ENDOD1: variants seen among roughly 807,000 people sequenced by gnomAD.
The protein encoded by ENDOD1 is endonuclease domain-containing 1 protein.
A neutral mutation model predicts 6.5 loss-of-function variants in ENDOD1; 9 were observed. The observed-to-expected ratio is 1.39, with a 90% CI of 0.84 to 2.43. ENDOD1 has a LOEUF of 2.43. Ranked by LOEUF, ENDOD1 falls within the 30% of genes most tolerant of loss-of-function variation. ENDOD1 has a pLI of 0.00. For synonymous variants in ENDOD1, 255 were observed against 255.2 expected (o/e 1.00, Z 0.01); for missense variants, 648 against 635.5 (o/e 1.02, Z -0.21).
intron 1 of ENDOD1, among the ~76,000 whole-genome samples, chr11:95,108,534 C>CACACACAAAAAAAAA (rs1176686943): frequency 1.2e-4 from 17 of 141,754 alleles, no homozygotes; most frequent in African/African-American, 4.0e-4. Flanking sequence ...CACAGACACC[C>CACACACAAAAAAAAA]AAAAAAAGAA....
chr11:95,112,757 G>C (rs1185570733), intron 1 of ENDOD1, among the ~76,000 whole-genome samples: 2 of 152,168 alleles, frequency 1.3e-5, no homozygotes, highest in Non-Finnish European at 2.9e-5. Flanking sequence ...TCCTTCCTCT[G>C]AAATTCCGTT....
intron 1 of ENDOD1, among the ~76,000 whole-genome samples, chr11:95,118,249 A>G (rs1859229804): frequency 6.6e-6 from 1 of 152,214 alleles, no homozygotes; most frequent in Non-Finnish European, 1.5e-5. Context: ...TACTATTACC[A>G]GTGAGTTTTG....
intron 1 of ENDOD1, among the ~76,000 whole-genome samples, chr11:95,094,746 A>G (rs1340734122): frequency 1.3e-5 from 2 of 152,250 alleles, no homozygotes; most frequent in Non-Finnish European, 2.9e-5. Flanking sequence ...TATATAGAGC[A>G]TCATACACTT....
At position 95,113,320 on chromosome 11, in the gene ENDOD1, A is replaced by G. The variant is rs1555112141; in HGVS notation, c.301-15057A>G. The stretch of plus-strand genomic sequence containing the variant: ...CTATATTCACCCTATTGTGCTATCA[A>G]ATACTGGGTCTTATTTATTATTCTT... On this transcript the variant is annotated intron_variant, in intron 1 of 1. Transcript: ENST00000278505. 1.3e-5 allele frequency among the ~76,000 whole-genome samples: 2 copies of G among 152,106 alleles called. 1 individual carries two copies. Among genetic ancestry groups the G allele is most frequent in the Non-Finnish European group, 2.9e-5 (2 of 68,024 alleles).
rs190081109 is a variant in ENDOD1 at position 95,108,340 on chromosome 11, G to T, written c.300+18113G>T. On this transcript the variant is annotated intron_variant, in intron 1 of 1. Transcript: ENST00000278505. Reference sequence around the variant, plus strand: ...GTGTGCACAGCACAGGCCAGAGCTGGAAATGCGTCCTTCTTCCCACAGCCA... The same window carrying T: ...GTGTGCACAGCACAGGCCAGAGCTGTAAATGCGTCCTTCTTCCCACAGCCA... Among the ~76,000 whole-genome samples, 5 of 152,268 alleles carry T rather than the reference G, an allele frequency of 3.3e-5. No homozygotes were observed. The East Asian group carries it at 9.7e-4, about 29-fold the overall frequency.
rs964420438 is a variant in ENDOD1, at chr11:95,131,503, G to C, written c.*1924G>C. ...AGCTGAGAGCAGATTAGGAGCCAAC[G>C]TTGTTTGCACATGTCCCATCACACC... On this transcript the variant is annotated 3_prime_UTR_variant, in exon 2 of 2. Coordinates refer to ENST00000278505, the MANE Select transcript of ENDOD1 (RefSeq NM_015036.3). The C allele has an allele frequency of 6.6e-6, 1 of 152,200 alleles. No individual in the cohort carries two copies. 9.4% of individuals were successfully genotyped at this position (152,200 alleles called of 1,614,324 possible). A position where few individuals can be genotyped will look rare whatever the true frequency, so the allele number is the denominator to read the frequency against.
intron 1 of ENDOD1, among the ~76,000 whole-genome samples, chr11:95,116,235 G>T (rs1859207748): frequency 6.6e-6 from 1 of 152,080 alleles, no homozygotes; most frequent in Admixed American, 6.6e-5. Flanking sequence ...TATATGCCTA[G>T]GAATTTGTCC....
chr11:95,122,914 C>T (rs1464588720), intron 1 of ENDOD1, among the ~76,000 whole-genome samples: 6 of 152,046 alleles, frequency 3.9e-5, no homozygotes, highest in Admixed American at 1.3e-4. Flanking sequence ...AGGGGCCGGG[C>T]GCCATGGCTC....
intron 1 of ENDOD1, among the ~76,000 whole-genome samples, chr11:95,125,255 A>C (rs676761): frequency 6.6e-6 from 1 of 151,892 alleles, no homozygotes; most frequent in Non-Finnish European, 1.5e-5. Context: ...TGCATACAAA[A>C]TGCTCCAGTA....
At chr11:95,113,865 G>T (rs141901932) in intron 1 of ENDOD1, among the ~76,000 whole-genome samples, 71 of 152,216 alleles carry the variant, frequency 4.7e-4, no homozygotes, top group African/African-American at 1.6e-3. Context: ...CATAGTGGTT[G>T]TACTAATTTA....
At chr11:95,092,337 A>AGG (rs1555109945) in intron 1 of ENDOD1, among the ~76,000 whole-genome samples, 1 of 152,160 alleles carries the variant, frequency 6.6e-6, no homozygotes, top group African/African-American at 2.4e-5. Flanking sequence ...AGGAAGGCTT[A>AGG]GGGAGGCAGA....
chr11:95,116,743 T>C (rs1320585414), intron 1 of ENDOD1, among the ~76,000 whole-genome samples: 1 of 152,240 alleles, frequency 6.6e-6, no homozygotes, highest in Non-Finnish European at 1.5e-5. Flanking sequence ...AATTTTGTCA[T>C]TGACCCACTG....
chr11:95,114,260 G>GCAATTCTCC (rs1555112245), intron 1 of ENDOD1, among the ~76,000 whole-genome samples: 2,098 of 151,980 alleles, frequency 0.014, 50 homozygotes, highest in African/African-American at 0.048. Context: ...GGGACTACAA[G>GCAATTCTCC]TGCACACCAC....
chr11:95,113,413 C>G (rs1859169412), intron 1 of ENDOD1, among the ~76,000 whole-genome samples: 1 of 152,090 alleles, frequency 6.6e-6, no homozygotes, highest in Admixed American at 6.6e-5. Context: ...CTTTCCCAGT[C>G]TCTGGTAATC....
At chr11:95,128,296 C>G in intron 1 of ENDOD1, 81 bp from the exon 2 acceptor site, 1 of 1,507,926 alleles carries the variant, frequency 6.6e-7, no homozygotes, top group East Asian at 2.3e-5. Flanking sequence ...GGGACTTCTC[C>G]AGAGTCTGGG....
rs372063737 is a variant in ENDOD1 at position 95,108,528 on chromosome 11, G to A, written c.300+18301G>A. ...ACACACACACACACACACACACACA[G>A]ACACCCAAAAAAAGAAAAAAGAAAA... On this transcript the variant is annotated intron_variant, in intron 1 of 1. Coordinates refer to ENST00000278505, the MANE Select transcript of ENDOD1 (RefSeq NM_015036.3). 2.1e-4 allele frequency among the ~76,000 whole-genome samples: 23 copies of A among 111,738 alleles called. 1 individual carries two copies. Among genetic ancestry groups the A allele is most frequent in the African/African-American group, 9.4e-4 (21 of 22,442 alleles). The allele number at this position is 111,738 out of a possible 152,430, so 73.3% of individuals were successfully genotyped here.
chr11:95,120,360 A>G (rs920458980), intron 1 of ENDOD1, among the ~76,000 whole-genome samples: 1 of 152,044 alleles, frequency 6.6e-6, no homozygotes, highest in Non-Finnish European at 1.5e-5. Flanking sequence ...TAAGGGCCCA[A>G]AAGGTCTTCA....
chr11:95,108,021 T>A (rs1281808132), intron 1 of ENDOD1, among the ~76,000 whole-genome samples: 1 of 152,240 alleles, frequency 6.6e-6, no homozygotes, highest in Non-Finnish European at 1.5e-5. Flanking sequence ...CCTCGCTGTG[T>A]GTGATGAGCA....
chr11:95,124,599 G>T lies in ENDOD1; in HGVS notation c.301-3778G>T, dbSNP rs568147009. Among the ~76,000 whole-genome samples, 39 of 152,320 alleles carry T rather than the reference G, an allele frequency of 2.6e-4. No individual in the cohort carries two copies. In the South Asian group the frequency reaches 7.5e-3, roughly 29 times the overall value. ...TTTAGTTACTGCTTTGCCTTGGAAG[G>T]CCCAGGGCAGGGGGGTGCACAGGAC... On this transcript the variant is annotated intron_variant, in intron 1 of 1. Coordinates refer to ENST00000278505, the MANE Select transcript of ENDOD1 (RefSeq NM_015036.3).
Sources: gnomAD v4.1 joint callset for allele counts (sites outside exome capture counted in the v4.1 genomes callset) on GRCh38, gnomAD v4.1.1 for gene constraint, MANE v1.5 for transcripts, NCBI Gene and HGNC (gene_info 2026-07-23, HGNC 2026-07-21) for gene names.